The following TAOK3 variants were observed in gnomAD, a reference collection of about 807,000 sequenced individuals.
TAOK3 encodes TAO kinase 3.
In TAOK3, 40 loss-of-function variants were observed where a neutral mutation model predicts 120.4. That is an observed-to-expected ratio of 0.33 (90% CI 0.26 to 0.43). TAOK3 has a LOEUF of 0.43. TAOK3 is among the 20% of genes least tolerant of loss of function. The pLI is 1.00. For synonymous variants in TAOK3, 355 were observed against 387.5 expected (o/e 0.92, Z 0.99); for missense variants, 821 against 1,112.1 (o/e 0.74, Z 3.72).
At chr12:118,218,136 C>T (rs187878751) in intron 9 of TAOK3, among the ~76,000 whole-genome samples, 10 of 151,664 alleles carry the variant, frequency 6.6e-5, no homozygotes, top group Admixed American at 3.3e-4. Flanking sequence ...TTTTTATTGA[C>T]CTCTCAATAG....
At chr12:118,318,132 C>A (rs1021014457) in intron 1 of TAOK3, among the ~76,000 whole-genome samples, 12 of 151,572 alleles carry the variant, frequency 7.9e-5, no homozygotes, top group Admixed American at 7.9e-4. Flanking sequence ...AGATCCGAGA[C>A]CTAAATAAGA....
Position 118,298,221 on chromosome 12 carries a change from A to G in TAOK3, c.-193-31462T>C, listed in dbSNP as rs111817485. Among the ~76,000 whole-genome samples the G allele has an allele frequency of 8.8e-3, 1,343 of 152,352 alleles. 20 individuals carry two copies. The highest frequency in any genetic ancestry group is 0.031 in the African/African-American group (1,299 of 41,576). Reference sequence around the variant, plus strand: ...AATTAATCTGGAGAGTATCAACTCCAAATTGTAAGTAACAAATCAGAAGTT... The same window carrying G: ...AATTAATCTGGAGAGTATCAACTCCGAATTGTAAGTAACAAATCAGAAGTT... On this transcript the variant is annotated intron_variant, in intron 1 of 20. Transcript: ENST00000392533.
intron 9 of TAOK3, among the ~76,000 whole-genome samples, chr12:118,222,351 G>A (rs1565971508): frequency 6.6e-6 from 1 of 152,020 alleles, no homozygotes; most frequent in Non-Finnish European, 1.5e-5. Context: ...TTGCTAACAG[G>A]GTGAAACCCC....
At chr12:118,327,302 T>C (rs2043974765) in intron 1 of TAOK3, among the ~76,000 whole-genome samples, 1 of 152,330 alleles carries the variant, frequency 6.6e-6, no homozygotes, top group Non-Finnish European at 1.5e-5. Context: ...ACTATTATCC[T>C]ACTTTTACAG....
At chr12:118,255,992 G>A (rs144120107) in intron 2 of TAOK3, 3 of 152,550 alleles carry the variant, frequency 2.0e-5, no homozygotes, top group Admixed American at 6.5e-5. Flanking sequence ...GCTGAGGCAG[G>A]AGAATCGCTT....
intron 9 of TAOK3, among the ~76,000 whole-genome samples, chr12:118,217,787 G>A (rs2038983468): frequency 1.2e-5 from 1 of 86,122 alleles, no homozygotes; most frequent in African/African-American, 3.9e-5. Context: ...ATATGTATAT[G>A]TATGTATGTA....
Position 118,160,474 on chromosome 12 carries a change from C to G in TAOK3, c.2140-116G>C. The G allele has an allele frequency of 1.3e-6, 1 of 781,404 alleles. No homozygotes were observed. Among genetic ancestry groups the G allele is most frequent in the East Asian group, 2.5e-5 (1 of 39,846 alleles). 48.4% of individuals were successfully genotyped at this position (781,404 alleles called of 1,614,324 possible). A position where few individuals can be genotyped will look rare whatever the true frequency, so the allele number is the denominator to read the frequency against. On this transcript the variant is annotated intron_variant, in intron 18 of 20. Coordinates refer to ENST00000392533, the MANE Select transcript of TAOK3 (RefSeq NM_016281.4). This position sits in a 1 kb window ranked among gnomAD's most constrained non-coding sequence, Gnocchi z 4.2. ...GCGTCTGTTTTTTGGTGCAGTGACT[C>G]ACATTGCTAATCAATAAAAATCAAG...
chr12:118,337,198 C>T (rs758656375), intron 1 of TAOK3, among the ~76,000 whole-genome samples: 1 of 152,092 alleles, frequency 6.6e-6, no homozygotes, highest in Non-Finnish European at 1.5e-5. Context: ...TAAATTAAAG[C>T]CACGAGAAAA....
intron 5 of TAOK3, among the ~76,000 whole-genome samples, chr12:118,242,412 T>C (rs1014498888): frequency 4.6e-5 from 7 of 152,214 alleles, no homozygotes; most frequent in African/African-American, 1.7e-4. Context: ...AGAGATCACA[T>C]ACAGGAAAGG....
chr12:118,161,316 G>GTAAA lies in TAOK3; in HGVS notation c.2139+468_2139+471dup. Among the ~76,000 whole-genome samples, 1 of 152,328 alleles carries GTAAA rather than the reference G, an allele frequency of 6.6e-6. No homozygotes were observed. The highest frequency in any genetic ancestry group is 1.9e-4 in the East Asian group (1 of 5,180). On this transcript the variant is annotated intron_variant, in intron 18 of 20. Transcript: ENST00000392533. The surrounding 1 kb of genome is among the most constrained non-coding windows in gnomAD (Gnocchi z 4.5). ...TCTCTGCATCTCTAGTGCAGAAGTG[G>GTAAA]TAAATGCCTGGCACTTATAGATTCA...
chr12:118,295,645 C>A (rs966666254), intron 1 of TAOK3, among the ~76,000 whole-genome samples: 2 of 152,188 alleles, frequency 1.3e-5, no homozygotes, highest in African/African-American at 4.8e-5. Flanking sequence ...TTGACTGAAA[C>A]AGTTTCTCAA....
intron 2 of TAOK3, among the ~76,000 whole-genome samples, chr12:118,256,419 G>A (rs2040991111): frequency 6.6e-6 from 1 of 152,076 alleles, no homozygotes; most frequent in Non-Finnish European, 1.5e-5. Context: ...ATACCCCCAA[G>A]AGAAATGAAA....
At chr12:118,219,449 T>A (rs943846914) in intron 9 of TAOK3, among the ~76,000 whole-genome samples, 1 of 152,156 alleles carries the variant, frequency 6.6e-6, no homozygotes, top group Non-Finnish European at 1.5e-5. Flanking sequence ...CATTTCTACA[T>A]GAATTTAATA....
Position 118,230,638 on chromosome 12 carries a change from T to G in TAOK3, c.643+3036A>C, listed in dbSNP as rs377177366. Among the ~76,000 whole-genome samples, 3 of 151,640 alleles carry G rather than the reference T, an allele frequency of 2.0e-5. No individual in the cohort carries two copies. In the South Asian group the frequency reaches 6.2e-4, roughly 32 times the overall value. On this transcript the variant is annotated intron_variant, in intron 9 of 20. Transcript: ENST00000392533. ...CACCCACCACCACACCTGGCTAATT[T>G]TTTTGTATTTTTAGTAGAGACGGGG...
intron 17 of TAOK3, among the ~76,000 whole-genome samples, chr12:118,169,325 C>A (rs866528017): frequency 1.6e-5 from 2 of 121,352 alleles, no homozygotes; most frequent in East Asian, 2.4e-4. Context: ...CACCCCCCCC[C>A]CTTTTTTTTT....
rs1182603875 is a variant in TAOK3 at position 118,341,110 on chromosome 12, C to T, written c.-194+31538G>A. 4.6e-5 allele frequency among the ~76,000 whole-genome samples: 7 copies of T among 151,364 alleles called. No homozygotes were observed. In the East Asian group the frequency reaches 5.9e-4, roughly 13 times the overall value. The stretch of plus-strand genomic sequence containing the variant: ...GCCCCAGGTTCAAGGTATTCTTGTT[C>T]GTCCTCAGCCTCCTGAGTAGCTGGG... On this transcript the variant is annotated intron_variant, in intron 1 of 20. Transcript: ENST00000392533.
chr12:118,324,979 C>T (rs1384065069), intron 1 of TAOK3, among the ~76,000 whole-genome samples: 1 of 151,992 alleles, frequency 6.6e-6, no homozygotes, highest in African/African-American at 2.4e-5. Flanking sequence ...ATCTCCTGAC[C>T]TTGTGATCCG....
intron 1 of TAOK3, among the ~76,000 whole-genome samples, chr12:118,369,803 A>T (rs1161353763): frequency 6.6e-6 from 1 of 152,180 alleles, no homozygotes; most frequent in Non-Finnish European, 1.5e-5. Context: ...CTCATATTTT[A>T]AATCTGTATT....
intron 11 of TAOK3, among the ~76,000 whole-genome samples, chr12:118,205,121 G>T (rs567240277): frequency 5.9e-5 from 9 of 152,178 alleles, no homozygotes; most frequent in Admixed American, 2.6e-4. Flanking sequence ...AGTGAGCCGA[G>T]ATCATGCCAC....
Sources: gnomAD v4.1 joint callset for allele counts (sites outside exome capture counted in the v4.1 genomes callset) on GRCh38, gnomAD v4.1.1 for gene constraint, Gnocchi (gnomAD v3.1) non-coding constraint, MANE v1.5 for transcripts, NCBI Gene and HGNC (gene_info 2026-07-23, HGNC 2026-07-21) for gene names.